The following EMC6 variants were observed in gnomAD, a reference collection of about 807,000 sequenced individuals.
EMC6 encodes the protein ER membrane protein complex subunit 6, also known as transmembrane protein 93.
In EMC6, 1 loss-of-function variant was observed where a neutral mutation model predicts 6.5. The observed-to-expected ratio is 0.15, with a 90% confidence interval of 0.05 to 0.73. The LOEUF is 0.73. EMC6 is among the 30% of genes least tolerant of loss of function. The pLI is 0.78. For synonymous variants in EMC6, 96 were observed against 74.3 expected (o/e 1.29, Z -1.50); for missense variants, 114 against 146.7 (o/e 0.78, Z 1.15).
rs1305762944 is a variant in EMC6, at chr17:3,669,229, A to G, written c.83A>G (p.Tyr28Cys). The change falls in exon 2 of 2, where the codon TAT becomes TGT. Residue 28 changes from tyrosine to cysteine, a missense_variant. Physicochemically the swap from Tyr to Cys is radical, Grantham distance 194. Transcript: ENST00000248378. ...CGGGGCAACGCCGCCGTCCTGGATT[A>G]TTGCCGGACCTCGGTGTCAGCGCTG... ...AVRGNAAVLD[Y>C]CRTSVSALSG... is the part of the protein sequence containing the mutation. The G allele has an allele frequency of 3.1e-6, 5 of 1,611,934 alleles. No homozygotes were observed. Among genetic ancestry groups the G allele is most frequent in the Non-Finnish European group, 3.4e-6 (4 of 1,179,506 alleles).
rs2049973167 is a variant in EMC6, at chr17:3,669,150, G to A, written c.4G>A (p.Ala2Thr). The stretch of plus-strand genomic sequence containing the variant: ...AGGCCGAGCCCGGGCTGGTGCGATG[G>A]CCGCGGTGGTGGCCAAGCGGGAAGG... M[A>T]AVVAKREGPP... Residue 2 changes from alanine (A) to threonine (T), a missense_variant, in exon 2 of 2, where the codon GCC (alanine) becomes ACC (threonine). Physicochemically the swap from Ala to Thr is moderately conservative, Grantham distance 58. Coordinates refer to ENST00000248378, the MANE Select transcript of EMC6 (RefSeq NM_031298.4). The A allele has an allele frequency of 3.3e-6, 5 of 1,519,346 alleles. No individual in the cohort carries two copies. The highest frequency in any genetic ancestry group is 4.4e-6 in the Non-Finnish European group (5 of 1,133,164). 94.1% of individuals were successfully genotyped at this position (1,519,346 alleles called of 1,614,324 possible).
rs2049975468 is a variant in EMC6, at chr17:3,669,252, C to T, written c.106C>T (p.Leu36=). The stretch of plus-strand genomic sequence containing the variant: ...TTATTGCCGGACCTCGGTGTCAGCG[C>T]TGTCGGGGGCCACGGCCGGCATCCT... ...LDYCRTSVSA[L]SGATAGILGL... The change falls in exon 2 of 2, where the codon CTG becomes TTG. Residue 36 remains leucine (L), a synonymous_variant. Coordinates refer to ENST00000248378, the MANE Select transcript of EMC6 (RefSeq NM_031298.4). 2.5e-6 allele frequency: 4 copies of T among 1,613,594 alleles called. No individual in the cohort carries two copies. The highest frequency in any genetic ancestry group is 1.7e-4 in the Middle Eastern group (1 of 6,056).
In EMC6 at chr17:3,669,394, C is replaced by G; in HGVS notation, c.248C>G (p.Pro83Arg). 6.2e-7 allele frequency: 1 copy of G among 1,614,102 alleles called. No homozygotes were observed. The highest frequency in any genetic ancestry group is 8.5e-7 in the Non-Finnish European group (1 of 1,180,044). ...AACAAATATTTCAAATCACGGAGAC[C>G]TCTCTTTACAGGAGGCCTCATCGGG... Reference protein sequence around the residue: ...RWNKYFKSRRPLFTGGLIGGL... With the variant: ...RWNKYFKSRRRLFTGGLIGGL... The change falls in exon 2 of 2, where the codon CCT (proline) becomes CGT (arginine). Residue 83 changes from proline to arginine, a missense_variant. Physicochemically the swap from Pro to Arg is moderately radical, Grantham distance 103 (BLOSUM62 -2). Coordinates refer to ENST00000248378, the MANE Select transcript of EMC6 (RefSeq NM_031298.4).
At position 3,668,838 on chromosome 17, in the gene EMC6, G is replaced by C. The variant is rs886266330; in HGVS notation, c.-111G>C. On this transcript the variant is annotated 5_prime_UTR_variant, in exon 1 of 2. Coordinates refer to ENST00000248378, the MANE Select transcript of EMC6 (RefSeq NM_031298.4). This position sits in a 1 kb window ranked among gnomAD's most constrained non-coding sequence, Gnocchi z 4.1. ...GTCTTCCGAGCAAGATGGCGCCGCG[G>C]GCATTTCTTCCACTGCCCGTCTGAG... 3 of 510,248 alleles carry C rather than the reference G, an allele frequency of 5.9e-6. No individual in the cohort carries two copies. Among genetic ancestry groups the C allele is most frequent in the African/African-American group, 4.1e-5 (2 of 49,240 alleles). 31.6% of individuals were successfully genotyped at this position (510,248 alleles called of 1,614,324 possible).
rs2049967958 is a variant in EMC6, at chr17:3,668,927, G to C, written c.-50+28G>C. ...AACTGGGCCACCGTGGCCGGGGAACGCAGACGCGCCACCACCTCCCGGCCG... is the reference window on the plus strand; with the variant it reads ...AACTGGGCCACCGTGGCCGGGGAACCCAGACGCGCCACCACCTCCCGGCCG... On this transcript the variant is annotated intron_variant, in intron 1 of 1. Coordinates refer to ENST00000248378, the MANE Select transcript of EMC6 (RefSeq NM_031298.4). This position sits in a 1 kb window ranked among gnomAD's most constrained non-coding sequence, Gnocchi z 4.1. 2 of 565,200 alleles carry C rather than the reference G, an allele frequency of 3.5e-6. No homozygotes were observed. Among genetic ancestry groups the C allele is most frequent in the Admixed American group, 3.4e-5 (1 of 29,072 alleles). 35.0% of individuals were successfully genotyped at this position (565,200 alleles called of 1,614,324 possible).
At position 3,669,359 on chromosome 17, in the gene EMC6, A is replaced by C; in HGVS notation, c.213A>C (p.Gly71=). ...CCCTGCTCCTCATTCTCAAGGCGGG[A>C]AGGAGGTGGAACAAATATTTCAAAT... The part of the protein sequence containing the change: ...LLSLLLILKA[G]RRWNKYFKSR... The change falls in exon 2 of 2, where the codon GGA becomes GGC. Residue 71 remains glycine, a synonymous_variant. Transcript: ENST00000248378. 6.2e-7 allele frequency: 1 copy of C among 1,614,102 alleles called. No individual in the cohort carries two copies. Among genetic ancestry groups the C allele is most frequent in the Non-Finnish European group, 8.5e-7 (1 of 1,180,036 alleles).
In EMC6 at chr17:3,668,952, G is replaced by T; in HGVS notation, c.-50+53G>T. On this transcript the variant is annotated intron_variant, in intron 1 of 1. Transcript: ENST00000248378. The surrounding 1 kb of genome is among the most constrained non-coding windows in gnomAD (Gnocchi z 4.1). ...GCAGACGCGCCACCACCTCCCGGCC[G>T]GCCCGGACCCTCAATCTCCTCGGCG... 1 of 599,742 alleles carries T rather than the reference G, an allele frequency of 1.7e-6. No homozygotes were observed. Among genetic ancestry groups the T allele is most frequent in the Non-Finnish European group, 2.8e-6 (1 of 355,882 alleles). 37.2% of individuals were successfully genotyped at this position (599,742 alleles called of 1,614,324 possible). A position where few individuals can be genotyped will look rare whatever the true frequency, so the allele number is the denominator to read the frequency against.
At position 3,669,271 on chromosome 17, in the gene EMC6, G is replaced by C; in HGVS notation, c.125G>C (p.Gly42Ala). Reference protein sequence around the residue: ...SVSALSGATAGILGLTGLYGF... With the variant: ...SVSALSGATAAILGLTGLYGF... The stretch of plus-strand genomic sequence containing the variant: ...TCAGCGCTGTCGGGGGCCACGGCCG[G>C]CATCCTCGGCCTCACCGGCCTCTAC... Residue 42 changes from glycine (G) to alanine (A), a missense_variant, in exon 2 of 2, where the codon GGC (glycine) becomes GCC (alanine). Transcript: ENST00000248378. 6.2e-7 allele frequency: 1 copy of C among 1,613,830 alleles called. No homozygotes were observed. The highest frequency in any genetic ancestry group is 8.5e-7 in the Non-Finnish European group (1 of 1,179,994).
At position 3,669,219 on chromosome 17, in the gene EMC6, G is replaced by A. The variant is rs774451688; in HGVS notation, c.73G>A (p.Val25Ile). 6.2e-7 allele frequency: 1 copy of A among 1,609,412 alleles called. No homozygotes were observed. Among genetic ancestry groups the A allele is most frequent in the Non-Finnish European group, 8.5e-7 (1 of 1,178,622 alleles). The part of the protein sequence containing the change: ...SEAAVRGNAA[V>I]LDYCRTSVSA... ...GGCGGCCGTGCGGGGCAACGCCGCC[G>A]TCCTGGATTATTGCCGGACCTCGGT... Residue 25 changes from valine to isoleucine, a missense_variant, in exon 2 of 2, where the codon GTC becomes ATC. Coordinates refer to ENST00000248378, the MANE Select transcript of EMC6 (RefSeq NM_031298.4).
chr17:3,668,989 T>A lies in EMC6; in HGVS notation c.-50+90T>A. ...CAATCTCCTCGGCGTCTTTGGAAGA[T>A]CCGAGGCCCAGGACTGGTGCCAGGT... On this transcript the variant is annotated intron_variant, in intron 1 of 1. Transcript: ENST00000248378. The surrounding 1 kb of genome is among the most constrained non-coding windows in gnomAD (Gnocchi z 4.1). 1 of 696,294 alleles carries A rather than the reference T, an allele frequency of 1.4e-6. No individual in the cohort carries two copies. Among genetic ancestry groups the A allele is most frequent in the African/African-American group, 1.8e-5 (1 of 54,680 alleles). 43.1% of individuals were successfully genotyped at this position (696,294 alleles called of 1,614,324 possible).
Position 3,669,236 on chromosome 17 carries a change from G to C in EMC6, c.90G>C (p.Arg30=). 1.2e-6 allele frequency: 2 copies of C among 1,612,514 alleles called. No individual in the cohort carries two copies. Among genetic ancestry groups the C allele is most frequent in the Non-Finnish European group, 1.7e-6 (2 of 1,179,704 alleles). ...RGNAAVLDYC[R]TSVSALSGAT... is the part of the protein sequence containing the mutation. ...ACGCCGCCGTCCTGGATTATTGCCGGACCTCGGTGTCAGCGCTGTCGGGGG... is the reference window on the plus strand; with the variant it reads ...ACGCCGCCGTCCTGGATTATTGCCGCACCTCGGTGTCAGCGCTGTCGGGGG... Residue 30 remains arginine (R), a synonymous_variant, in exon 2 of 2, where the codon CGG becomes CGC. Coordinates refer to ENST00000248378, the MANE Select transcript of EMC6 (RefSeq NM_031298.4).
Position 3,669,441 on chromosome 17 carries a change from T to A in EMC6, c.295T>A (p.Phe99Ile), listed in dbSNP as rs749100468. The change falls in exon 2 of 2, where the codon TTC becomes ATC. Residue 99 changes from phenylalanine (F) to isoleucine (I), a missense_variant. Transcript: ENST00000248378. The stretch of plus-strand genomic sequence containing the variant: ...CGGGGGCCTCTTCACCTACGTCCTG[T>A]TCTGGACGTTCCTCTACGGCATGGT... ...LIGGLFTYVL[F>I]WTFLYGMVHV... The A allele has an allele frequency of 1.9e-6, 3 of 1,612,928 alleles. No homozygotes were observed. In the Admixed American group the frequency reaches 5.0e-5, roughly 27 times the overall value.
In EMC6 at chr17:3,669,095, C is replaced by T; in HGVS notation, c.-49-3C>T. On this transcript the variant is annotated splice_polypyrimidine_tract_variant and splice_region_variant and intron_variant, in intron 1 of 1. Coordinates refer to ENST00000248378, the MANE Select transcript of EMC6 (RefSeq NM_031298.4). ...GCCACTTGTAACTTGGTTTTCTCCG[C>T]AGCTCCGCGTTGTTCCGCGAGAAAG... The T allele has an allele frequency of 6.9e-7, 1 of 1,439,112 alleles. No individual in the cohort carries two copies. Among genetic ancestry groups the T allele is most frequent in the Non-Finnish European group, 9.1e-7 (1 of 1,097,834 alleles). The allele number at this position is 1,439,112 out of a possible 1,614,324, so 89.1% of individuals were successfully genotyped here. A position where few individuals can be genotyped will look rare whatever the true frequency, so the allele number is the denominator to read the frequency against.
chr17:3,669,066 G>C, intron 1 of EMC6, 32 bp from the exon 2 acceptor site: 1 of 1,363,146 alleles, frequency 7.3e-7, no homozygotes, highest in Non-Finnish European at 9.7e-7. Context: ...ACCGAGCTCC[G>C]GGCGCCACTT....
rs377004153 is a variant in EMC6, at chr17:3,669,299, C to T, written c.153C>T (p.Gly51=). The change falls in exon 2 of 2, where the codon GGC becomes GGT. Residue 51 remains glycine, a synonymous_variant. Coordinates refer to ENST00000248378, the MANE Select transcript of EMC6 (RefSeq NM_031298.4). The part of the protein sequence containing the change: ...AGILGLTGLY[G]FIFYLLASVL... Reference sequence around the variant, plus strand: ...TCCTCGGCCTCACCGGCCTCTACGGCTTCATCTTCTACCTGCTCGCCTCCG... The same window carrying T: ...TCCTCGGCCTCACCGGCCTCTACGGTTTCATCTTCTACCTGCTCGCCTCCG... 2.5e-6 allele frequency: 4 copies of T among 1,607,360 alleles called. No homozygotes were observed. Among genetic ancestry groups the T allele is most frequent in the Non-Finnish European group, 3.4e-6 (4 of 1,173,970 alleles).
rs1206157082 is a variant in EMC6 at position 3,669,598 on chromosome 17, T to C, written c.*119T>C. ...TGAATTCGCTGCTTGTTCTGTAACGTTATAAATAATTTATATCTGAAGACG... is the reference window on the plus strand; with the variant it reads ...TGAATTCGCTGCTTGTTCTGTAACGCTATAAATAATTTATATCTGAAGACG... On this transcript the variant is annotated 3_prime_UTR_variant, in exon 2 of 2. Coordinates refer to ENST00000248378, the MANE Select transcript of EMC6 (RefSeq NM_031298.4). 1 of 737,626 alleles carries C rather than the reference T, an allele frequency of 1.4e-6. No individual in the cohort carries two copies. Among genetic ancestry groups the C allele is most frequent in the Non-Finnish European group, 2.1e-6 (1 of 465,352 alleles). 45.7% of individuals were successfully genotyped at this position (737,626 alleles called of 1,614,324 possible). A position where few individuals can be genotyped will look rare whatever the true frequency, so the allele number is the denominator to read the frequency against.
rs2049965566 is a variant in EMC6, at chr17:3,668,826, G to T, written c.-123G>T. ...GACCTCCCGGCAGTCTTCCGAGCAA[G>T]ATGGCGCCGCGGGCATTTCTTCCAC... On this transcript the variant is annotated 5_prime_UTR_variant, in exon 1 of 2. Coordinates refer to ENST00000248378, the MANE Select transcript of EMC6 (RefSeq NM_031298.4). The surrounding 1 kb of genome is among the most constrained non-coding windows in gnomAD (Gnocchi z 4.1). The T allele has an allele frequency of 1.9e-6, 1 of 512,864 alleles. No homozygotes were observed. Among genetic ancestry groups the T allele is most frequent in the African/African-American group, 2.0e-5 (1 of 49,420 alleles). 31.8% of individuals were successfully genotyped at this position (512,864 alleles called of 1,614,324 possible).
rs2142992693 is a variant in EMC6, at chr17:3,669,107, G to A, written c.-40G>A. 6.9e-7 allele frequency: 1 copy of A among 1,459,486 alleles called. No individual in the cohort carries two copies. Among genetic ancestry groups the A allele is most frequent in the South Asian group, 1.4e-5 (1 of 72,368 alleles). The allele number at this position is 1,459,486 out of a possible 1,614,324, so 90.4% of individuals were successfully genotyped here. Reference sequence around the variant, plus strand: ...TTGGTTTTCTCCGCAGCTCCGCGTTGTTCCGCGAGAAAGCGAGAGGCCGAG... The same window carrying A: ...TTGGTTTTCTCCGCAGCTCCGCGTTATTCCGCGAGAAAGCGAGAGGCCGAG... On this transcript the variant is annotated 5_prime_UTR_variant, in exon 2 of 2. Coordinates refer to ENST00000248378, the MANE Select transcript of EMC6 (RefSeq NM_031298.4).
At chr17:3,669,064 C>G in intron 1 of EMC6, 34 bp from the exon 2 acceptor site, 1 of 1,358,638 alleles carries the variant, frequency 7.4e-7, no homozygotes, top group Non-Finnish European at 9.7e-7. Context: ...TCACCGAGCT[C>G]CGGGCGCCAC....
Sources: gnomAD v4.1 joint callset for allele counts on GRCh38, gnomAD v4.1.1 for gene constraint, Gnocchi (gnomAD v3.1) non-coding constraint, MANE v1.5 for transcripts, NCBI Gene and HGNC (gene_info 2026-07-23, HGNC 2026-07-21) for gene names.